Variants in ROBO1 observed in about 807,000 individuals in gnomAD.
ROBO1 encodes the protein roundabout guidance receptor 1.
A neutral mutation model predicts 195.9 loss-of-function variants in ROBO1; 149 were observed. The observed-to-expected ratio is 0.76, with a 90% CI of 0.67 to 0.87. The LOEUF is 0.87. ROBO1 is among the 40% of genes least tolerant of loss of function. The probability of loss-of-function intolerance (pLI) is 0.00; values close to 1 mark genes in which losing one functional copy is unlikely to be tolerated. For missense variants in ROBO1, 1,933 were observed against 2,068.3 expected (o/e 0.93, Z 1.27); for synonymous variants, 816 against 733.2 (o/e 1.11, Z -1.82).
chr3:79,216,419 G>T (rs2108814696), intron 2 of ROBO1, among the ~76,000 whole-genome samples: 1 of 152,090 alleles, frequency 6.6e-6, no homozygotes, highest in East Asian at 1.9e-4. Flanking sequence ...TAAAAAATTG[G>T]ATGATTATGT....
At chr3:79,503,866 T>C (rs933385551) in intron 2 of ROBO1, among the ~76,000 whole-genome samples, 3 of 152,222 alleles carry the variant, frequency 2.0e-5, no homozygotes, top group African/African-American at 7.2e-5. Flanking sequence ...TCAATTAGGA[T>C]AAACTTTGGC....
At chr3:79,326,117 C>G (rs977938860) in intron 2 of ROBO1, among the ~76,000 whole-genome samples, 12 of 152,036 alleles carry the variant, frequency 7.9e-5, no homozygotes, top group Non-Finnish European at 4.4e-5. Flanking sequence ...TTGGTCAGAC[C>G]GGTTGCTCTC....
intron 2 of ROBO1, among the ~76,000 whole-genome samples, chr3:79,129,999 G>A (rs1287036785): frequency 2.0e-5 from 2 of 99,430 alleles, no homozygotes; most frequent in African/African-American, 4.0e-5. Context: ...GTAGATATGC[G>A]GCATTATTTC....
Position 79,583,866 on chromosome 3 carries a change from T to C in ROBO1, c.88+5958A>G, listed in dbSNP as rs550323195. On this transcript the variant is annotated intron_variant, in intron 2 of 30. Transcript: ENST00000464233. ...AAAATGTAAATTTAAAACAGAAGAATGCACCTTTCGGAGCAGAGCATTACC... is the reference window on the plus strand; with the variant it reads ...AAAATGTAAATTTAAAACAGAAGAACGCACCTTTCGGAGCAGAGCATTACC... 6.6e-5 allele frequency among the ~76,000 whole-genome samples: 10 copies of C among 152,118 alleles called. No individual in the cohort carries two copies. In the East Asian group the frequency reaches 1.7e-3, roughly 26 times the overall value.
chr3:79,295,131 A>G (rs1231649096), intron 2 of ROBO1, among the ~76,000 whole-genome samples: 1 of 152,206 alleles, frequency 6.6e-6, no homozygotes, highest in Non-Finnish European at 1.5e-5. Flanking sequence ...TCATTCTACT[A>G]TAAAGACACA....
intron 1 of ROBO1, among the ~76,000 whole-genome samples, chr3:79,656,526 T>G (rs1946168932): frequency 6.6e-6 from 1 of 151,978 alleles, no homozygotes; most frequent in Non-Finnish European, 1.5e-5. Flanking sequence ...GTCTATCAAT[T>G]ATCTATCTAT....
Position 78,636,475 on chromosome 3 carries a change from G to T in ROBO1, c.3038-367C>A, listed in dbSNP as rs935380945. ...TCAACTTTTTATTTTCTAGTCTTTG[G>T]TTACTGAATTATTTGAAGCTACTGG... is the stretch of plus-strand genomic sequence containing the variant. On this transcript the variant is annotated intron_variant, in intron 22 of 30. Transcript: ENST00000464233. Among the ~76,000 whole-genome samples the T allele has an allele frequency of 1.7e-4, 26 of 151,696 alleles. 1 individual carries two copies. The highest frequency in any genetic ancestry group is 1.6e-4 in the Non-Finnish European group (11 of 67,918).
At chr3:79,174,816 A>C (rs1051397859) in intron 2 of ROBO1, among the ~76,000 whole-genome samples, 5 of 151,218 alleles carry the variant, frequency 3.3e-5, no homozygotes, top group African/African-American at 1.2e-4. Context: ...AGATTGCGCC[A>C]CTGCACTTCA....
At chr3:79,429,097 T>C (rs1453703437) in intron 2 of ROBO1, among the ~76,000 whole-genome samples, 2 of 152,176 alleles carry the variant, frequency 1.3e-5, no homozygotes, top group Non-Finnish European at 2.9e-5. Flanking sequence ...AGAGTAACTT[T>C]TACTGTATGT....
intron 28 of ROBO1, among the ~76,000 whole-genome samples, chr3:78,610,546 A>C (rs1703750085): frequency 6.6e-6 from 1 of 152,136 alleles, no homozygotes; most frequent in Non-Finnish European, 1.5e-5. Context: ...GCGAACGCAG[A>C]TTATCAGGAA....
At chr3:79,439,946 G>T (rs1317822865) in intron 2 of ROBO1, among the ~76,000 whole-genome samples, 1 of 152,048 alleles carries the variant, frequency 6.6e-6, no homozygotes, top group Non-Finnish European at 1.5e-5. Flanking sequence ...ATGGAGGAAA[G>T]ATCTGAGAAG....
chr3:78,878,788 A>G (rs899292434), intron 4 of ROBO1, among the ~76,000 whole-genome samples: 3 of 152,256 alleles, frequency 2.0e-5, no homozygotes, highest in Middle Eastern at 6.8e-3. Context: ...AAACAATGCA[A>G]TAGGAAACTC....
intron 4 of ROBO1, among the ~76,000 whole-genome samples, chr3:78,867,494 T>C (rs2035254772): frequency 6.6e-6 from 1 of 152,182 alleles, no homozygotes; most frequent in Admixed American, 6.5e-5. Context: ...TCTGGAAATA[T>C]TCTTAACTAT....
intron 4 of ROBO1, among the ~76,000 whole-genome samples, chr3:78,874,513 G>A (rs1166205114): frequency 1.3e-5 from 2 of 151,730 alleles, no homozygotes; most frequent in Non-Finnish European, 2.9e-5. Flanking sequence ...GTTACAATAT[G>A]AGGTCTTAAC....
intron 2 of ROBO1, among the ~76,000 whole-genome samples, chr3:79,278,819 T>G (rs571561054): frequency 6.6e-6 from 1 of 152,172 alleles, no homozygotes; most frequent in East Asian, 1.9e-4. Context: ...CACAGGCAAC[T>G]GAAGCAAAAA....
chr3:78,760,036 A>C (rs1218371358), intron 4 of ROBO1, among the ~76,000 whole-genome samples: 1 of 152,014 alleles, frequency 6.6e-6, no homozygotes, highest in Non-Finnish European at 1.5e-5. Flanking sequence ...GAATTATGGG[A>C]GTGGTTTCCC....
intron 2 of ROBO1, among the ~76,000 whole-genome samples, chr3:79,577,130 A>G (rs1943512044): frequency 6.6e-6 from 1 of 152,038 alleles, no homozygotes; most frequent in South Asian, 2.1e-4. Flanking sequence ...TACATAGTTT[A>G]CAATTAACAT....
At chr3:79,711,374 A>T (rs975932487) in intron 1 of ROBO1, among the ~76,000 whole-genome samples, 1 of 152,220 alleles carries the variant, frequency 6.6e-6, no homozygotes, top group Non-Finnish European at 1.5e-5. Context: ...GAAGATGTTA[A>T]GTAAAGCATT....
intron 2 of ROBO1, among the ~76,000 whole-genome samples, chr3:79,430,669 A>G (rs113693017): frequency 0.014 from 2,099 of 152,222 alleles, 18 homozygotes; most frequent in Non-Finnish European, 0.023. Flanking sequence ...TTGGCCTTGA[A>G]TGTATTTGTG....
Sources: allele counts gnomAD v4.1 joint callset (sites outside exome capture counted in the v4.1 genomes callset), GRCh38; gene constraint gnomAD v4.1.1; transcripts MANE v1.5; gene names NCBI Gene and HGNC (gene_info 2026-07-23, HGNC 2026-07-21).